PLOD2: variants seen among roughly 807,000 people sequenced by gnomAD.
PLOD2 encodes lysine hydroxylase 2.
In PLOD2, 65 loss-of-function variants were observed where a neutral mutation model predicts 101.0. The observed-to-expected ratio is 0.64, with a 90% confidence interval of 0.53 to 0.79. PLOD2 has a LOEUF of 0.79. Among genes scored for constraint, PLOD2 ranks in the 30% least tolerant of loss-of-function variants. The pLI, the probability that PLOD2 is intolerant of heterozygous loss-of-function variation, is 0.00. For missense variants in PLOD2, 909 were observed against 914.6 expected (o/e 0.99, Z 0.08); for synonymous variants, 314 against 302.9 (o/e 1.04, Z -0.38).
intron 14 of PLOD2, chr3:146,077,130 A>G (rs1936375992): frequency 8.6e-7 from 1 of 1,162,610 alleles, no homozygotes; most frequent in African/African-American, 1.6e-5. Flanking sequence ...TGAAAAAAAG[A>G]AGAATGGACT....
chr3:146,142,965 T>C (rs905203476), intron 1 of PLOD2, among the ~76,000 whole-genome samples: 2 of 152,134 alleles, frequency 1.3e-5, no homozygotes, highest in East Asian at 1.9e-4. Flanking sequence ...GCTTTGGTTA[T>C]AACACAATTT....
At position 146,161,026 on chromosome 3, in the gene PLOD2, A is replaced by T; in HGVS notation, c.-37T>A. Reference sequence around the variant, plus strand: ...GAGGGCCGCGCGGGCTCAGGCGCCCACGGCCCCGCAGCGCCGCGCTTCTCG... The same window carrying T: ...GAGGGCCGCGCGGGCTCAGGCGCCCTCGGCCCCGCAGCGCCGCGCTTCTCG... On this transcript the variant is annotated 5_prime_UTR_variant, in exon 1 of 20. Coordinates refer to ENST00000282903, the MANE Select transcript of PLOD2 (RefSeq NM_182943.3). 2.2e-6 allele frequency: 3 copies of T among 1,361,166 alleles called. No homozygotes were observed. The highest frequency in any genetic ancestry group is 3.1e-6 in the Non-Finnish European group (3 of 975,550). 84.3% of individuals were successfully genotyped at this position (1,361,166 alleles called of 1,614,324 possible).
At position 146,161,079 on chromosome 3, in the gene PLOD2, T is replaced by C. The variant is rs2032560874; in HGVS notation, c.-90A>G. Reference sequence around the variant, plus strand: ...AGAACGCAGAGACCCGGGTCCGCCCTGAGCCGCCGATTGCGGGCGGGAGCC... The same window carrying C: ...AGAACGCAGAGACCCGGGTCCGCCCCGAGCCGCCGATTGCGGGCGGGAGCC... On this transcript the variant is annotated 5_prime_UTR_variant, in exon 1 of 20. Transcript: ENST00000282903. 2.5e-6 allele frequency: 2 copies of C among 810,500 alleles called. No individual in the cohort carries two copies. The highest frequency in any genetic ancestry group is 3.6e-6 in the Non-Finnish European group (2 of 559,484). The allele number at this position is 810,500 out of a possible 1,614,324, so 50.2% of individuals were successfully genotyped here.
chr3:146,078,263 T>C (rs1012034249), intron 13 of PLOD2, among the ~76,000 whole-genome samples: 4 of 151,748 alleles, frequency 2.6e-5, no homozygotes, highest in African/African-American at 9.7e-5. Context: ...TAGCCAAACA[T>C]GAGCACAAAA....
chr3:146,147,611 C>T (rs566256529), intron 1 of PLOD2, among the ~76,000 whole-genome samples: 6 of 152,220 alleles, frequency 3.9e-5, no homozygotes, highest in African/African-American at 1.2e-4. Context: ...CGACAGGATG[C>T]AAGTAGCACC....
At position 146,085,273 on chromosome 3, in the gene PLOD2, C is replaced by T. The variant is rs202241126; in HGVS notation, c.1128G>A (p.Met376Ile). The change falls in exon 11 of 20, where the codon ATG (methionine) becomes ATA (isoleucine). Residue 376 changes from methionine to isoleucine, a missense_variant and splice_region_variant. Transcript: ENST00000282903. ...LSQAEARNMGMDFCRQDEKCD... is the reference protein window; with the variant it reads ...LSQAEARNMGIDFCRQDEKCD... The stretch of plus-strand genomic sequence containing the variant: ...ACTTTTCATCCTGACGGCAAAAGTC[C>T]CTAACAGTGAAAAAGAAAATGAAAT... 129 of 1,530,938 alleles carry T rather than the reference C, an allele frequency of 8.4e-5. No homozygotes were observed. The Middle Eastern group carries it at 8.5e-4, about 10-fold the overall frequency. The allele number at this position is 1,530,938 out of a possible 1,614,324, so 94.8% of individuals were successfully genotyped here.
chr3:146,077,222 A>T, intron 14 of PLOD2: 1 of 1,002,736 alleles, frequency 1.0e-6, no homozygotes, highest in Non-Finnish European at 1.2e-6. Flanking sequence ...TTTTTGAGAC[A>T]CAGTGCAATG....
At chr3:146,151,352 C>A (rs895200654) in intron 1 of PLOD2, among the ~76,000 whole-genome samples, 2 of 152,130 alleles carry the variant, frequency 1.3e-5, no homozygotes, top group East Asian at 1.9e-4. Flanking sequence ...ACAAAATTAG[C>A]AGGGCATAGT....
At position 146,161,020 on chromosome 3, in the gene PLOD2, G is replaced by A. The variant is rs780230312; in HGVS notation, c.-31C>T. On this transcript the variant is annotated 5_prime_UTR_variant, in exon 1 of 20. Transcript: ENST00000282903. ...GCCCTCGAGGGCCGCGCGGGCTCAG[G>A]CGCCCACGGCCCCGCAGCGCCGCGC... 5.7e-6 allele frequency: 8 copies of A among 1,402,066 alleles called. No individual in the cohort carries two copies. Among genetic ancestry groups the A allele is most frequent in the Non-Finnish European group, 7.9e-6 (8 of 1,011,912 alleles). 86.9% of individuals were successfully genotyped at this position (1,402,066 alleles called of 1,614,324 possible).
intron 1 of PLOD2, among the ~76,000 whole-genome samples, chr3:146,150,734 T>TA (rs35302944): frequency 1.1e-4 from 17 of 150,380 alleles, no homozygotes; most frequent in African/African-American, 3.4e-4. Context: ...AAATAAAAGT[T>TA]AAAAAAAAAA....
At chr3:146,142,817 C>T (rs1481256526) in intron 1 of PLOD2, among the ~76,000 whole-genome samples, 2 of 152,122 alleles carry the variant, frequency 1.3e-5, no homozygotes, top group African/African-American at 4.8e-5. Flanking sequence ...GCATTGTCAG[C>T]ACATTCCAAT....
rs1322561217 is a variant in PLOD2, at chr3:146,081,657, A to G, written c.1358+81T>C. On this transcript the variant is annotated intron_variant, in intron 12 of 19. Coordinates refer to ENST00000282903, the MANE Select transcript of PLOD2 (RefSeq NM_182943.3). ...CTATAAAGAAAAGAGATGAATGCAA[A>G]AAAAATTTCAAGTAATACTAACAAG... is the stretch of plus-strand genomic sequence containing the variant. 5 of 1,291,976 alleles carry G rather than the reference A, an allele frequency of 3.9e-6. No homozygotes were observed. The East Asian group carries it at 1.2e-4, about 30-fold the overall frequency. The allele number at this position is 1,291,976 out of a possible 1,614,324, so 80.0% of individuals were successfully genotyped here. A position where few individuals can be genotyped will look rare whatever the true frequency, so the allele number is the denominator to read the frequency against.
intron 1 of PLOD2, among the ~76,000 whole-genome samples, chr3:146,150,842 T>C (rs2032021249): frequency 6.6e-6 from 1 of 152,162 alleles, no homozygotes; most frequent in Admixed American, 6.5e-5. Context: ...AATATTTAAA[T>C]GTACTGAAGA....
At chr3:146,089,479 G>C (rs1207618103) in intron 8 of PLOD2, among the ~76,000 whole-genome samples, 1 of 151,582 alleles carries the variant, frequency 6.6e-6, no homozygotes, top group African/African-American at 2.4e-5. Context: ...ACAGTGTCAT[G>C]ACCAGAAATC....
At chr3:146,130,444 A>T (rs2030843437) in intron 1 of PLOD2, among the ~76,000 whole-genome samples, 1 of 152,150 alleles carries the variant, frequency 6.6e-6, no homozygotes, top group African/African-American at 2.4e-5. Context: ...CTCTCTCTCC[A>T]ATGAGACTGT....
Position 146,121,146 on chromosome 3 carries a change from C to T in PLOD2, c.304G>A (p.Asp102Asn). The change falls in exon 3 of 20, where the codon GAT (aspartate) becomes AAT (asparagine). Residue 102 changes from aspartate (D) to asparagine (N), a missense_variant. Asp to Asn is a conservative substitution (Grantham distance 23). Transcript: ENST00000282903. ...LMKEVMEHYA[D>N]QDDLVVMFTE... ...AACATGACAACCAGATCATCTTGAT[C>T]AGCATAGTGTTCCATGACTTCTTTC... 3 of 1,608,808 alleles carry T rather than the reference C, an allele frequency of 1.9e-6. No individual in the cohort carries two copies. Among genetic ancestry groups the T allele is most frequent in the East Asian group, 2.2e-5 (1 of 44,796 alleles).
Position 146,076,921 on chromosome 3 carries a change from A to T in PLOD2, c.1564-26T>A, listed in dbSNP as rs369619513. 8 of 1,448,504 alleles carry T rather than the reference A, an allele frequency of 5.5e-6. No homozygotes were observed. The African/African-American group carries it at 1.1e-4, about 20-fold the overall frequency. 89.7% of individuals were successfully genotyped at this position (1,448,504 alleles called of 1,614,324 possible). The stretch of plus-strand genomic sequence containing the variant: ...CTATATGCCAGAAAATAACAGTATT[A>T]ATCTTAGAGGTAGGTACAAAAGTAA... On this transcript the variant is annotated intron_variant, in intron 14 of 19. Transcript: ENST00000282903.
chr3:146,153,580 G>T (rs2032164477), intron 1 of PLOD2, among the ~76,000 whole-genome samples: 1 of 152,070 alleles, frequency 6.6e-6, no homozygotes, highest in Admixed American at 6.6e-5. Flanking sequence ...ATAGCTTCTG[G>T]AGCTTTTCTT....
intron 1 of PLOD2, among the ~76,000 whole-genome samples, chr3:146,152,810 A>T (rs968426121): frequency 1.3e-5 from 2 of 152,216 alleles, no homozygotes; most frequent in Non-Finnish European, 2.9e-5. Flanking sequence ...CCAAAGTCAG[A>T]GAAGAGTAAG....
Sources: allele counts gnomAD v4.1 joint callset (sites outside exome capture counted in the v4.1 genomes callset), GRCh38; gene constraint gnomAD v4.1.1; transcripts MANE v1.5; gene names NCBI Gene and HGNC (gene_info 2026-07-23, HGNC 2026-07-21).